Variants in LRP1B observed in about 807,000 individuals in gnomAD.
LRP1B encodes low-density lipoprotein receptor-related protein 1B.
Under a neutral mutation model 556.6 loss-of-function variants are expected in LRP1B, and 217 were observed. That is an observed-to-expected ratio of 0.39 (90% CI 0.35 to 0.44). LRP1B has a LOEUF of 0.44. Ranked by LOEUF, LRP1B falls within the 20% of genes least tolerant of loss-of-function variation. The pLI is 1.00. For synonymous variants in LRP1B, 2,047 were observed against 1,865.8 expected, an observed-to-expected ratio of 1.10 and a Z score of -2.50; for missense variants, 5,053 against 5,620.8, an observed-to-expected ratio of 0.90 and a Z score of 3.23.
intron 69 of LRP1B, 36 bp from the exon 70 acceptor site, chr2:140,371,321 T>C (rs780725854): frequency 8.6e-7 from 1 of 1,158,690 alleles, no homozygotes; most frequent in South Asian, 1.5e-5. Context: ...TGAGATAGAG[T>C]AAAAATAACA....
intron 3 of LRP1B, among the ~76,000 whole-genome samples, chr2:141,264,158 T>C (rs1573728289): frequency 6.6e-6 from 1 of 152,212 alleles, no homozygotes; most frequent in African/African-American, 2.4e-5. Flanking sequence ...TAAAACGGTT[T>C]CTGTTTGTAA....
chr2:142,039,090 C>A (rs1017323725), intron 1 of LRP1B, among the ~76,000 whole-genome samples: 3 of 151,512 alleles, frequency 2.0e-5, no homozygotes, highest in Non-Finnish European at 4.4e-5. Flanking sequence ...TCTGACACAG[C>A]CACATTTTCT....
chr2:141,809,156 G>T (rs1342764350), intron 2 of LRP1B, among the ~76,000 whole-genome samples: 1 of 152,052 alleles, frequency 6.6e-6, no homozygotes, highest in South Asian at 2.1e-4. Context: ...TGGAAAAAGT[G>T]ATCGGCTCAA....
intron 32 of LRP1B, among the ~76,000 whole-genome samples, chr2:140,779,942 G>A (rs1240309424): frequency 6.6e-6 from 1 of 151,776 alleles, no homozygotes; most frequent in African/African-American, 2.4e-5. Flanking sequence ...AGATGGCAAA[G>A]GAAAGCCCCA....
chr2:140,831,022 G>T (rs576005662), intron 31 of LRP1B, among the ~76,000 whole-genome samples: 29 of 152,022 alleles, frequency 1.9e-4, no homozygotes, highest in Non-Finnish European at 2.9e-5. Context: ...TCCCTACAAA[G>T]AAAACAATAA....
intron 22 of LRP1B, among the ~76,000 whole-genome samples, chr2:140,907,587 G>A (rs1262391948): frequency 6.6e-6 from 1 of 152,092 alleles, no homozygotes; most frequent in East Asian, 1.9e-4. Flanking sequence ...CAGTTCAACT[G>A]CGGGAACATC....
At chr2:140,261,163 T>G (rs1006880232) in intron 86 of LRP1B, among the ~76,000 whole-genome samples, 15 of 151,898 alleles carry the variant, frequency 9.9e-5, no homozygotes. Context: ...CTTTGTCTTT[T>G]CAGTGTCTAC....
At chr2:141,843,945 A>G (rs954368479) in intron 1 of LRP1B, among the ~76,000 whole-genome samples, 2 of 152,104 alleles carry the variant, frequency 1.3e-5, no homozygotes. Context: ...AGGAATGACA[A>G]TTTAAACCTA....
At position 140,962,054 on chromosome 2, in the gene LRP1B, G is replaced by A. The variant is rs149083529; in HGVS notation, c.2888-10114C>T. On this transcript the variant is annotated intron_variant, in intron 18 of 90. Coordinates refer to ENST00000389484, the MANE Select transcript of LRP1B (RefSeq NM_018557.3). ...ATTATCCGACTTTCTTTAGCTAAAT[G>A]TATCTACATCAGTTTTAAAAATAGC... 5.5e-3 allele frequency among the ~76,000 whole-genome samples: 830 copies of A among 152,264 alleles called. 9 individuals are homozygous for A. Among genetic ancestry groups the A allele is most frequent in the Middle Eastern group, 0.01 (3 of 294 alleles).
intron 1 of LRP1B, among the ~76,000 whole-genome samples, chr2:141,861,346 G>A (rs1465221986): frequency 2.6e-5 from 4 of 152,100 alleles, no homozygotes; most frequent in South Asian, 2.1e-4. Flanking sequence ...TTCACCAAAT[G>A]GAACTGATTA....
At position 142,098,385 on chromosome 2, in the gene LRP1B, T is replaced by C. The variant is rs1410188160; in HGVS notation, c.82+32263A>G. On this transcript the variant is annotated intron_variant, in intron 1 of 90. Coordinates refer to ENST00000389484, the MANE Select transcript of LRP1B (RefSeq NM_018557.3). ...TCAAAGTGTAATGTTGCATTAAAAA[T>C]ATATATTTGAATTGCTAAGTCTGTG... Among the ~76,000 whole-genome samples, 3 of 151,784 alleles carry C rather than the reference T, an allele frequency of 2.0e-5. No homozygotes were observed. The East Asian group carries it at 5.8e-4, about 29-fold the overall frequency.
chr2:142,030,365 T>G (rs992361589), intron 1 of LRP1B, among the ~76,000 whole-genome samples: 3 of 151,950 alleles, frequency 2.0e-5, no homozygotes, highest in Admixed American at 2.0e-4. Context: ...GGTTGTAATT[T>G]AAGTAAATTT....
Position 141,772,717 on chromosome 2 carries a change from G to A in LRP1B, c.205+37562C>T, listed in dbSNP as rs143077443. On this transcript the variant is annotated intron_variant, in intron 2 of 90. Transcript: ENST00000389484. ...CTCAATCTGGAATACTCATAGCCCT[G>A]GGGTTCAGAGCAGAGTGATAAGATA... Among the ~76,000 whole-genome samples, 157 of 152,274 alleles carry A rather than the reference G, an allele frequency of 1.0e-3. 1 individual carries two copies. The highest frequency in any genetic ancestry group is 3.7e-3 in the African/African-American group (153 of 41,556).
intron 18 of LRP1B, among the ~76,000 whole-genome samples, chr2:140,960,701 C>T (rs559028306): frequency 2.2e-4 from 33 of 151,966 alleles, no homozygotes; most frequent in African/African-American, 7.9e-4. Context: ...GTTAAAAGTA[C>T]TTTGTCCTTA....
chr2:141,561,210 G>A lies in LRP1B; in HGVS notation c.206-80677C>T, dbSNP rs142398034. Among the ~76,000 whole-genome samples the A allele has an allele frequency of 2.5e-3, 375 of 151,758 alleles. 2 individuals are homozygous for A. Among genetic ancestry groups the A allele is most frequent in the African/African-American group, 8.7e-3 (362 of 41,444 alleles). On this transcript the variant is annotated intron_variant, in intron 2 of 90. Coordinates refer to ENST00000389484, the MANE Select transcript of LRP1B (RefSeq NM_018557.3). Reference sequence around the variant, plus strand: ...TCACAGGATTATTTACTATGATATAGGTTTAGATATGCTATATGCCATTAT... The same window carrying A: ...TCACAGGATTATTTACTATGATATAAGTTTAGATATGCTATATGCCATTAT...
At chr2:141,474,440 G>T (rs62166302) in intron 3 of LRP1B, among the ~76,000 whole-genome samples, 1 of 151,706 alleles carries the variant, frequency 6.6e-6, no homozygotes. Context: ...TAAGAGTTTC[G>T]TTTTATGGAT....
chr2:142,057,011 C>T (rs889425784), intron 1 of LRP1B, among the ~76,000 whole-genome samples: 16 of 152,082 alleles, frequency 1.1e-4, no homozygotes, highest in Non-Finnish European at 2.1e-4. Context: ...ACAAACAAAG[C>T]AAATTGCATG....
intron 3 of LRP1B, among the ~76,000 whole-genome samples, chr2:141,405,691 G>C (rs190299524): frequency 1.1e-3 from 165 of 152,148 alleles, no homozygotes; most frequent in Non-Finnish European, 8.2e-4. Context: ...TACTGCTAAT[G>C]GGTATGGGAC....
intron 7 of LRP1B, among the ~76,000 whole-genome samples, chr2:141,142,585 AAT>A (rs1370745451): frequency 2.0e-5 from 3 of 152,174 alleles, no homozygotes; most frequent in Admixed American, 1.3e-4. Flanking sequence ...GATTAGAAAA[AAT>A]AGTTTTTTTA....
Sources: allele counts gnomAD v4.1 joint callset (sites outside exome capture counted in the v4.1 genomes callset), GRCh38; gene constraint gnomAD v4.1.1; transcripts MANE v1.5; gene names NCBI Gene and HGNC (gene_info 2026-07-23, HGNC 2026-07-21).